Variants in INTS9 observed in about 807,000 individuals in gnomAD.
The protein encoded by INTS9 is protein related to CPSF subunits of 74 kDa.
Under a neutral mutation model 79.7 loss-of-function variants are expected in INTS9, and 55 were observed. That is an observed-to-expected ratio of 0.69 (90% CI 0.56 to 0.86). The LOEUF is 0.86. Among genes scored for constraint, INTS9 ranks in the 40% least tolerant of loss-of-function variants. INTS9 has a pLI of 0.00. For synonymous variants in INTS9, 319 were observed against 325.2 expected, an observed-to-expected ratio of 0.98 and a Z score of 0.20; for missense variants, 721 against 831.5, an observed-to-expected ratio of 0.87 and a Z score of 1.64.
chr8:28,842,813 A>G (rs1807266528), intron 4 of INTS9, among the ~76,000 whole-genome samples: 2 of 152,236 alleles, frequency 1.3e-5, no homozygotes, highest in South Asian at 4.1e-4. Context: ...TTCTGTAACA[A>G]TGATGGCAGG....
chr8:28,782,300 G>A (rs1054147284), intron 11 of INTS9, among the ~76,000 whole-genome samples: 3 of 152,158 alleles, frequency 2.0e-5, no homozygotes, highest in Non-Finnish European at 4.4e-5. Flanking sequence ...TGAAGTACAA[G>A]TGACTTTCCC....
At chr8:28,775,511 T>C (rs1209475816) in intron 14 of INTS9, among the ~76,000 whole-genome samples, 1 of 152,166 alleles carries the variant, frequency 6.6e-6, no homozygotes, top group Non-Finnish European at 1.5e-5. Flanking sequence ...ACTTTTTTTG[T>C]ATTTTTAGTA....
At chr8:28,859,339 T>G in intron 2 of INTS9, 97 bp downstream of exon 2, 1 of 1,347,908 alleles carries the variant, frequency 7.4e-7, no homozygotes, top group Middle Eastern at 1.9e-4. Flanking sequence ...AAAGCAAACT[T>G]ACGACAATAT....
At chr8:28,887,507 A>G (rs997454204) in intron 1 of INTS9, among the ~76,000 whole-genome samples, 5 of 152,254 alleles carry the variant, frequency 3.3e-5, no homozygotes, top group Non-Finnish European at 5.9e-5. Flanking sequence ...TACTCTGGAA[A>G]GTGAATCTCA....
chr8:28,795,019 A>G (rs1804122022), intron 9 of INTS9, among the ~76,000 whole-genome samples: 3 of 152,230 alleles, frequency 2.0e-5, no homozygotes, highest in African/African-American at 7.2e-5. Context: ...TTACCTTTGC[A>G]TTAGTATCAA....
At chr8:28,778,236 A>G (rs2130880656) in intron 12 of INTS9, among the ~76,000 whole-genome samples, 1 of 152,370 alleles carries the variant, frequency 6.6e-6, no homozygotes, top group African/African-American at 2.4e-5. Context: ...CGAAATGCCA[A>G]GAAACAAACG....
At chr8:28,862,341 G>T in intron 1 of INTS9, 1 of 504,236 alleles carries the variant, frequency 2.0e-6, no homozygotes, top group Non-Finnish European at 2.6e-6. Context: ...TCACACTGCT[G>T]TGTGTGCTGC....
chr8:28,879,038 T>C (rs573553913), intron 1 of INTS9, among the ~76,000 whole-genome samples: 7 of 151,366 alleles, frequency 4.6e-5, no homozygotes, highest in South Asian at 4.2e-4. Context: ...TTGTAGAACA[T>C]AGAGGAGGTA....
intron 1 of INTS9, among the ~76,000 whole-genome samples, chr8:28,867,286 G>T (rs1808809018): frequency 6.6e-6 from 1 of 152,194 alleles, no homozygotes; most frequent in Non-Finnish European, 1.5e-5. Context: ...GGGCGTCGTG[G>T]CATGTGCCTG....
intron 6 of INTS9, among the ~76,000 whole-genome samples, chr8:28,828,021 A>G (rs541690418): frequency 6.6e-5 from 10 of 152,312 alleles, no homozygotes; most frequent in South Asian, 6.2e-4. Flanking sequence ...CGGTGAAGTG[A>G]CCAGAATCGC....
chr8:28,842,876 C>T (rs982623376), intron 4 of INTS9, among the ~76,000 whole-genome samples: 5 of 152,246 alleles, frequency 3.3e-5, no homozygotes, highest in Admixed American at 1.3e-4. Flanking sequence ...GGGTCCCCTT[C>T]GACAGAGTTG....
At chr8:28,848,646 G>A (rs565627369) in intron 3 of INTS9, among the ~76,000 whole-genome samples, 5 of 152,284 alleles carry the variant, frequency 3.3e-5, no homozygotes, top group Middle Eastern at 3.4e-3. Flanking sequence ...GACAAATCAT[G>A]GGAAATTTCA....
chr8:28,866,844 G>A (rs1808777672), intron 1 of INTS9, among the ~76,000 whole-genome samples: 1 of 152,042 alleles, frequency 6.6e-6, no homozygotes, highest in East Asian at 1.9e-4. Flanking sequence ...GCATGGTGGC[G>A]GGAGCCTGTA....
intron 1 of INTS9, among the ~76,000 whole-genome samples, chr8:28,884,855 T>C (rs1810100622): frequency 6.6e-6 from 1 of 152,186 alleles, no homozygotes; most frequent in Admixed American, 6.5e-5. Flanking sequence ...GGGCTTGTAA[T>C]TTATAGCCCG....
chr8:28,813,396 G>A (rs1805276107), intron 7 of INTS9, 96 bp downstream of exon 7: 2 of 1,256,052 alleles, frequency 1.6e-6, no homozygotes, highest in Admixed American at 1.9e-5. Context: ...CAATGGAATG[G>A]CTTTAAAAAC....
At chr8:28,824,663 G>C (rs576669923) in intron 6 of INTS9, among the ~76,000 whole-genome samples, 12 of 152,304 alleles carry the variant, frequency 7.9e-5, no homozygotes, top group African/African-American at 2.9e-4. Context: ...TGAGGCCGCC[G>C]CAGGGGCTGC....
At chr8:28,841,991 G>C (rs1315892363) in intron 4 of INTS9, among the ~76,000 whole-genome samples, 1 of 152,168 alleles carries the variant, frequency 6.6e-6, no homozygotes, top group African/African-American at 2.4e-5. Context: ...CGGAGGCTGA[G>C]ACAGGAGGAT....
chr8:28,882,489 TAAAATAAAAA>T (rs1362341016), intron 1 of INTS9, among the ~76,000 whole-genome samples: 159 of 38,788 alleles, frequency 4.1e-3, no homozygotes, highest in Non-Finnish European at 6.4e-3. Context: ...TAAAATAAAA[TAAAATAAAAA>T]AAAAAGAAAT....
intron 6 of INTS9, 62 bp from the exon 7 acceptor site, chr8:28,813,674 T>C (rs1020323697): frequency 7.0e-6 from 11 of 1,570,760 alleles, no homozygotes; most frequent in African/African-American, 5.4e-5. Context: ...ACAGCATTCC[T>C]TTCTAGTAAT....
Sources: allele counts gnomAD v4.1 joint callset (sites outside exome capture counted in the v4.1 genomes callset), GRCh38; gene constraint gnomAD v4.1.1; transcripts MANE v1.5; gene names NCBI Gene and HGNC (gene_info 2026-07-23, HGNC 2026-07-21).